Variants in FARSA observed in about 807,000 individuals in gnomAD.
FARSA encodes the protein phenylalanyl-tRNA synthetase subunit alpha.
A neutral mutation model predicts 63.2 loss-of-function variants in FARSA; 37 were observed. The ratio of observed to expected loss-of-function variants is 0.59; its 90% CI spans 0.45 to 0.77. The LOEUF (loss-of-function observed/expected upper bound fraction) is 0.77. Ranked by LOEUF, FARSA falls within the 30% of genes least tolerant of loss-of-function variation. The probability of loss-of-function intolerance (pLI) is 0.00; values close to 1 mark genes in which losing one functional copy is unlikely to be tolerated. For missense variants in FARSA, 618 were observed against 696.6 expected, an observed-to-expected ratio of 0.89 and a Z score of 1.27; for synonymous variants, 312 against 285.1, an observed-to-expected ratio of 1.09 and a Z score of -0.95.
At chr19:12,933,419 A>G in intron 1 of FARSA, 131 bp downstream of exon 1, 3 of 1,086,942 alleles carry the variant, frequency 2.8e-6, no homozygotes, top group Non-Finnish European at 3.8e-6. Context: ...CCGCCCGCAC[A>G]TCCCGGAGTG....
At chr19:12,927,679 C>A (rs1971341715) in intron 7 of FARSA, among the ~76,000 whole-genome samples, 1 of 131,266 alleles carries the variant, frequency 7.6e-6, no homozygotes, top group Non-Finnish European at 1.5e-5. Context: ...TTGCAGTGAG[C>A]TGAGATCGTG....
At chr19:12,931,743 G>A (rs985017726) in intron 1 of FARSA, among the ~76,000 whole-genome samples, 3 of 152,108 alleles carry the variant, frequency 2.0e-5, no homozygotes, top group East Asian at 1.9e-4. Flanking sequence ...TGTCAGAGAC[G>A]GGCCCTGGAG....
In FARSA at chr19:12,933,645, C is replaced by A; in HGVS notation, c.52G>T (p.Asp18Tyr). The A allele has an allele frequency of 6.4e-7, 1 of 1,564,976 alleles. No individual in the cohort carries two copies. The highest frequency in any genetic ancestry group is 1.4e-5 in the African/African-American group (1 of 73,872). The change falls in exon 1 of 13, where the codon GAT becomes TAT. Residue 18 changes from aspartate to tyrosine, a missense_variant. Transcript: ENST00000314606. The stretch of plus-strand genomic sequence containing the variant: ...AACTCGGCGCTGTCCAGGCCGCCAT[C>A]AGACGCCTCCAGCCGCCGGAGCAGC... ...ELLLRRLEASDGGLDSAELAA... is the reference protein window; with the variant it reads ...ELLLRRLEASYGGLDSAELAA...
chr19:12,933,588 C>A lies in FARSA; in HGVS notation c.109G>T (p.Val37Leu). 1 of 1,550,940 alleles carries A rather than the reference C, an allele frequency of 6.4e-7. No individual in the cohort carries two copies. Among genetic ancestry groups the A allele is most frequent in the Non-Finnish European group, 8.7e-7 (1 of 1,152,710 alleles). The change falls in exon 1 of 13, where the codon GTG becomes TTG. Residue 37 changes from valine (V) to leucine (L), a missense_variant. Val to Leu is a conservative substitution (Grantham distance 32). Transcript: ENST00000314606. ...AAELGMEHQAVVGAVKSLQAL... is the reference protein window; with the variant it reads ...AAELGMEHQALVGAVKSLQAL... ...TGAAGGCTCTTCACGGCGCCCACCA[C>A]CGCCTGGTGCTCCATGCCCAGCTCA...
At position 12,933,531 on chromosome 19, in the gene FARSA, C is replaced by T. The variant is rs1217897464; in HGVS notation, c.147+19G>A. 14 of 1,537,828 alleles carry T rather than the reference C, an allele frequency of 9.1e-6. No homozygotes were observed. The highest frequency in any genetic ancestry group is 2.0e-5 in the Admixed American group (1 of 51,136). On this transcript the variant is annotated intron_variant, in intron 1 of 12. Coordinates refer to ENST00000314606, the MANE Select transcript of FARSA (RefSeq NM_004461.3). ...TAGGTGCAAGGGCAAGGCGGTCCGG[C>T]ATCACGGGCCCGGCTCACCTCGCCC... is the stretch of plus-strand genomic sequence containing the variant.
chr19:12,922,927 G>C, intron 12 of FARSA, 41 bp from the exon 13 acceptor site: 2 of 1,613,124 alleles, frequency 1.2e-6, no homozygotes, highest in South Asian at 1.1e-5. Flanking sequence ...AGGTCAGCAC[G>C]TGCACCCTTC....
rs765665257 is a variant in FARSA, at chr19:12,922,851, C to T, written c.1424G>A (p.Arg475Gln). ...TMIKYGINNI[R>Q]ELVGHKVNLQ... ...GTTCACCTTGTGGCCCACCAGCTCC[C>T]GGATATTGTTGATGCCATATTTGAT... Residue 475 changes from arginine to glutamine, a missense_variant, in exon 13 of 13, where the codon CGG becomes CAG. Transcript: ENST00000314606. 15 of 1,614,086 alleles carry T rather than the reference C, an allele frequency of 9.3e-6. No homozygotes were observed. The highest frequency in any genetic ancestry group is 4.5e-5 in the East Asian group (2 of 44,880).
chr19:12,928,216 C>A, intron 7 of FARSA, 126 bp downstream of exon 7: 2 of 714,494 alleles, frequency 2.8e-6, no homozygotes, highest in Non-Finnish European at 4.6e-6. Context: ...AATAGCCGGA[C>A]TACAGGTGCA....
chr19:12,929,163 C>T (rs1654479994), intron 4 of FARSA, among the ~76,000 whole-genome samples: 1 of 152,114 alleles, frequency 6.6e-6, no homozygotes, highest in African/African-American at 2.4e-5. Context: ...CTGCAAAAGT[C>T]TCCCCACAAG....
At chr19:12,930,983 TAAA>T (rs1327323471) in intron 1 of FARSA, among the ~76,000 whole-genome samples, 1 of 152,212 alleles carries the variant, frequency 6.6e-6, no homozygotes, top group African/African-American at 2.4e-5. Context: ...CCTCCCAGGG[TAAA>T]GTACACCACT....
chr19:12,928,023 C>CAAAAAAAAAAA (rs34586259), intron 7 of FARSA, among the ~76,000 whole-genome samples: 4 of 73,380 alleles, frequency 5.5e-5, no homozygotes, highest in African/African-American at 9.5e-5. Flanking sequence ...GACCCTGTCT[C>CAAAAAAAAAAA]AAAAAAAAAA....
intron 7 of FARSA, among the ~76,000 whole-genome samples, chr19:12,926,703 G>A (rs1353265094): frequency 1.3e-5 from 2 of 152,120 alleles, no homozygotes; most frequent in African/African-American, 2.4e-5. Context: ...AACTACAGGC[G>A]TGCACTACTA....
At chr19:12,926,520 G>T (rs1014083564) in intron 7 of FARSA, among the ~76,000 whole-genome samples, 1 of 143,442 alleles carries the variant, frequency 7.0e-6, no homozygotes, top group Admixed American at 7.0e-5. Context: ...CGATCCGCCC[G>T]TCTCAGCCTC....
At chr19:12,923,614 G>A (rs1409898785) in intron 12 of FARSA, among the ~76,000 whole-genome samples, 2 of 152,174 alleles carry the variant, frequency 1.3e-5, no homozygotes, top group Admixed American at 1.3e-4. Context: ...TAAGTAGCTG[G>A]GATTACAGGC....
chr19:12,925,425 T>C lies in FARSA; in HGVS notation c.842-251A>G, dbSNP rs1392510392. Among the ~76,000 whole-genome samples, 3 of 152,086 alleles carry C rather than the reference T, an allele frequency of 2.0e-5. No homozygotes were observed. In the East Asian group the frequency reaches 5.8e-4, roughly 29 times the overall value. The stretch of plus-strand genomic sequence containing the variant: ...CCAGCTGAAGTACAATGGCTCAATC[T>C]TGGCTCACTGCAACCTCCACCTCCC... On this transcript the variant is annotated intron_variant, in intron 7 of 12. Coordinates refer to ENST00000314606, the MANE Select transcript of FARSA (RefSeq NM_004461.3).
chr19:12,933,435 A>G, intron 1 of FARSA, 115 bp downstream of exon 1: 1 of 1,291,016 alleles, frequency 7.7e-7, no homozygotes, highest in South Asian at 1.4e-5. Context: ...GAGTGGACAC[A>G]TATACAGCTA....
chr19:12,930,203 T>C lies in FARSA; in HGVS notation c.503+20A>G. On this transcript the variant is annotated intron_variant, in intron 4 of 12. Transcript: ENST00000314606. ...TTCGCAGGTGGTGGGGGCCTGAGCC[T>C]GCAGGGGGCACCCACTCACACTTCA... 1.3e-6 allele frequency: 2 copies of C among 1,593,512 alleles called. No homozygotes were observed. The highest frequency in any genetic ancestry group is 8.6e-7 in the Non-Finnish European group (1 of 1,161,698).
chr19:12,924,244 A>T lies in FARSA; in HGVS notation c.1295T>A (p.Val432Asp). 1 of 1,613,856 alleles carries T rather than the reference A, an allele frequency of 6.2e-7. No homozygotes were observed. Among genetic ancestry groups the T allele is most frequent in the East Asian group, 2.2e-5 (1 of 44,862 alleles). Reference sequence around the variant, plus strand: ...TGGACGGAAGACCCCCGAGTTTCCGACCTCCACCCACTTCTTCAGGCCTGC... The same window carrying T: ...TGGACGGAAGACCCCCGAGTTTCCGTCCTCCACCCACTTCTTCAGGCCTGC... ...YHQGLKKWVEVGNSGVFRPEM... is the reference protein window; with the variant it reads ...YHQGLKKWVEDGNSGVFRPEM... The change falls in exon 12 of 13, where the codon GTC becomes GAC. Residue 432 changes from valine (V) to aspartate (D), a missense_variant. Transcript: ENST00000314606. The surrounding 1 kb of genome is among the most constrained non-coding windows in gnomAD (Gnocchi z 6.4).
intron 1 of FARSA, chr19:12,933,162 C>T: frequency 4.0e-6 from 1 of 247,390 alleles, no homozygotes; most frequent in Admixed American, 5.6e-5. Context: ...ACAGACTCAG[C>T]CGTCACCTGC....
Sources: allele counts gnomAD v4.1 joint callset (sites outside exome capture counted in the v4.1 genomes callset), GRCh38; gene constraint gnomAD v4.1.1; non-coding constraint Gnocchi (gnomAD v3.1); transcripts MANE v1.5; gene names NCBI Gene and HGNC (gene_info 2026-07-23, HGNC 2026-07-21).